The following IPO5 variants were observed in gnomAD, a reference collection of about 807,000 sequenced individuals.
IPO5 encodes the protein importin-5.
Under a neutral mutation model 143.3 loss-of-function variants are expected in IPO5, and 18 were observed. The ratio of observed to expected loss-of-function variants is 0.13; its 90% CI spans 0.09 to 0.19. The LOEUF (loss-of-function observed/expected upper bound fraction) is 0.19. Ranked by LOEUF, IPO5 falls within the 10% of genes least tolerant of loss-of-function variation. IPO5 has a pLI of 1.00. For missense variants in IPO5, 1,013 were observed against 1,336.9 expected (o/e 0.76, Z 3.78); for synonymous variants, 477 against 465.7 (o/e 1.02, Z -0.31).
At chr13:98,021,241 A>G (rs1890465954) in intron 28 of IPO5, 108 bp downstream of exon 28, 3 of 973,424 alleles carry the variant, frequency 3.1e-6, no homozygotes, top group Non-Finnish European at 3.0e-6. Flanking sequence ...TTTTATTTTT[A>G]TATTTTCATA....
chr13:97,978,275 A>G (rs1043592983), intron 4 of IPO5, among the ~76,000 whole-genome samples: 1 of 152,056 alleles, frequency 6.6e-6, no homozygotes, highest in African/African-American at 2.4e-5. Flanking sequence ...TATTTACACT[A>G]TTTTGCAACT....
intron 16 of IPO5, among the ~76,000 whole-genome samples, chr13:98,005,694 G>A (rs1721825336): frequency 6.6e-6 from 1 of 151,970 alleles, no homozygotes; most frequent in Non-Finnish European, 1.5e-5. Flanking sequence ...CTGGGGAGAG[G>A]GGGTTAGAAG....
At chr13:97,967,569 A>G (rs1306646850) in intron 2 of IPO5, among the ~76,000 whole-genome samples, 1 of 152,060 alleles carries the variant, frequency 6.6e-6, no homozygotes, top group Non-Finnish European at 1.5e-5. Flanking sequence ...CATTGCTATC[A>G]CTGCTATCCC....
intron 11 of IPO5, among the ~76,000 whole-genome samples, chr13:97,997,097 T>C (rs1594091557): frequency 1.3e-5 from 2 of 152,164 alleles, no homozygotes; most frequent in East Asian, 3.8e-4. Context: ...GAAATCCTTA[T>C]GTGTTGAGAA....
intron 2 of IPO5, among the ~76,000 whole-genome samples, chr13:97,955,006 T>C (rs1418843052): frequency 6.6e-6 from 1 of 152,058 alleles, no homozygotes; most frequent in Non-Finnish European, 1.5e-5. Flanking sequence ...GGTGGGAGGA[T>C]CACTTGGGCC....
chr13:98,019,545 G>C (rs1319108016), intron 26 of IPO5, 36 bp from the exon 27 acceptor site: 5 of 1,389,642 alleles, frequency 3.6e-6, no homozygotes, highest in Non-Finnish European at 5.1e-6. Flanking sequence ...GAAAATGTGA[G>C]GTTTTAGCTG....
At chr13:97,975,438 C>T (rs1288170069) in intron 3 of IPO5, among the ~76,000 whole-genome samples, 1 of 152,180 alleles carries the variant, frequency 6.6e-6, no homozygotes, top group African/African-American at 2.4e-5. Context: ...TTGCACTAAA[C>T]CGAGATCGCG....
rs1247388097 is a variant in IPO5 at position 98,021,817 on chromosome 13, G to T, written c.3289G>T (p.Ala1097Ser). Reference protein sequence around the residue: ...QAAIQELLNSA With the variant: ...QAAIQELLNSS Reference sequence around the variant, plus strand: ...CGCCATTCAGGAGCTCCTGAACTCTGCGTGAAGGGCCTTAATGTCACCCAC... The same window carrying T: ...CGCCATTCAGGAGCTCCTGAACTCTTCGTGAAGGGCCTTAATGTCACCCAC... The change falls in exon 29 of 29, where the codon GCG becomes TCG. Residue 1097 changes from alanine (A) to serine (S), a missense_variant. Coordinates refer to ENST00000651721, the MANE Select transcript of IPO5 (RefSeq NM_002271.6). 1 of 1,599,280 alleles carries T rather than the reference G, an allele frequency of 6.3e-7. No individual in the cohort carries two copies. The highest frequency in any genetic ancestry group is 1.3e-5 in the African/African-American group (1 of 74,716).
At chr13:97,990,403 A>G in intron 8 of IPO5, 30 bp from the exon 9 acceptor site, 1 of 1,497,174 alleles carries the variant, frequency 6.7e-7, no homozygotes, top group East Asian at 2.3e-5. Flanking sequence ...AAAATTTCTC[A>G]TGTTTGACAT....
chr13:97,975,980 G>T (rs1886255327), intron 3 of IPO5: 2 of 985,374 alleles, frequency 2.0e-6, no homozygotes, highest in South Asian at 4.7e-5. Flanking sequence ...CTGAAAGCGA[G>T]AAGTCCGTGA....
chr13:97,998,052 C>T (rs1333440203), intron 12 of IPO5, among the ~76,000 whole-genome samples: 5 of 152,176 alleles, frequency 3.3e-5, no homozygotes, highest in Non-Finnish European at 5.9e-5. Flanking sequence ...CTCGGCTCAC[C>T]GCAAGCTCCG....
At chr13:97,978,409 A>G (rs1236631875) in intron 4 of IPO5, among the ~76,000 whole-genome samples, 1 of 152,158 alleles carries the variant, frequency 6.6e-6, no homozygotes, top group Non-Finnish European at 1.5e-5. Context: ...TGCGGTTTCC[A>G]GTGACCTGCT....
intron 2 of IPO5, among the ~76,000 whole-genome samples, chr13:97,967,829 C>T (rs1030917325): frequency 1.3e-5 from 2 of 152,158 alleles, no homozygotes; most frequent in Admixed American, 6.6e-5. Context: ...GACGGCGTTT[C>T]ACCATGTTAG....
intron 26 of IPO5, 58 bp downstream of exon 26, chr13:98,018,762 T>G (rs373800899): frequency 5.1e-5 from 63 of 1,229,028 alleles, no homozygotes; most frequent in East Asian, 4.5e-4. Flanking sequence ...GAATCCCTAC[T>G]TTACTCTCTT....
rs1566454683 is a variant in IPO5 at position 97,969,171 on chromosome 13, A to ATT, written c.-112-551_-112-550insTT. Among the ~76,000 whole-genome samples, 220 of 71,190 alleles carry ATT rather than the reference A, an allele frequency of 3.1e-3. 5 individuals carry two copies. Among genetic ancestry groups the ATT allele is most frequent in the African/African-American group, 0.015 (204 of 13,854 alleles). The allele number at this position is 71,190 out of a possible 152,430, so 46.7% of individuals were successfully genotyped here. Reference sequence around the variant, plus strand: ...CTGCTAAGTATATATATATATATATATATATTTTTTTTTTTTTTTTTTTTT... The same window carrying ATT: ...CTGCTAAGTATATATATATATATATATTTATATTTTTTTTTTTTTTTTTTTTT... On this transcript the variant is annotated intron_variant, in intron 2 of 28. Coordinates refer to ENST00000651721, the MANE Select transcript of IPO5 (RefSeq NM_002271.6).
intron 13 of IPO5, among the ~76,000 whole-genome samples, chr13:98,001,156 G>T (rs1888738966): frequency 6.6e-6 from 1 of 152,060 alleles, no homozygotes; most frequent in Admixed American, 6.5e-5. Flanking sequence ...TTATAGGCAT[G>T]AGCTACCACA....
intron 9 of IPO5, 83 bp downstream of exon 9, chr13:97,990,620 AT>A (rs1232185407): frequency 1.3e-5 from 10 of 743,090 alleles, no homozygotes; most frequent in Non-Finnish European, 2.0e-5. Flanking sequence ...ATAAATTCAT[AT>A]TGCCTATTAT....
In IPO5 at chr13:97,976,699, GGCGGCGGCC is replaced by G; in HGVS notation, c.11_19del (p.Ala4_Ala6del). On this transcript the variant is annotated inframe_deletion, in exon 4 of 29. Transcript: ENST00000651721. ...CCTTCTCTCTCACGCCTAGCGCAAT[GGCGGCGGCC>G]GCGGCGGAGCAGCAACAGTTCTACC... 1 of 1,379,046 alleles carries G rather than the reference GGCGGCGGCC, an allele frequency of 7.3e-7. No homozygotes were observed. The highest frequency in any genetic ancestry group is 9.6e-7 in the Non-Finnish European group (1 of 1,039,094). 85.4% of individuals were successfully genotyped at this position (1,379,046 alleles called of 1,614,324 possible).
At chr13:97,980,791 C>T (rs916001458) in intron 4 of IPO5, among the ~76,000 whole-genome samples, 5 of 149,144 alleles carry the variant, frequency 3.4e-5, no homozygotes, top group Admixed American at 6.7e-5. Flanking sequence ...CGCACCACTG[C>T]GCTCTAGCCT....
Sources: allele counts gnomAD v4.1 joint callset (sites outside exome capture counted in the v4.1 genomes callset), GRCh38; gene constraint gnomAD v4.1.1; transcripts MANE v1.5; gene names NCBI Gene and HGNC (gene_info 2026-07-23, HGNC 2026-07-21).